GUCY1A2: variants seen among roughly 807,000 people sequenced by gnomAD.
GUCY1A2 encodes the protein guanylate cyclase soluble subunit alpha-2.
In GUCY1A2, 27 loss-of-function variants were observed where a neutral mutation model predicts 63.5. That is an observed-to-expected ratio of 0.43 (90% CI 0.31 to 0.59). GUCY1A2 has a LOEUF of 0.59. Among genes scored for constraint, GUCY1A2 ranks in the 20% least tolerant of loss-of-function variants. GUCY1A2 has a pLI of 0.11. For missense variants in GUCY1A2, 768 were observed against 913.3 expected (o/e 0.84, Z 2.05); for synonymous variants, 364 against 343.5 (o/e 1.06, Z -0.66).
At chr11:106,881,168 A>T (rs1004121496) in intron 4 of GUCY1A2, among the ~76,000 whole-genome samples, 4 of 152,068 alleles carry the variant, frequency 2.6e-5, no homozygotes, top group East Asian at 1.9e-4. Context: ...CAATTGGCAC[A>T]TCCCTTTTAA....
chr11:106,937,032 C>G (rs1860688321), intron 4 of GUCY1A2, among the ~76,000 whole-genome samples: 1 of 152,042 alleles, frequency 6.6e-6, no homozygotes, highest in African/African-American at 2.4e-5. Context: ...TGATGACTTA[C>G]TAATTTAAAA....
At chr11:106,827,125 A>G (rs1162786525) in intron 4 of GUCY1A2, 1 of 1,476,568 alleles carries the variant, frequency 6.8e-7, no homozygotes, top group Non-Finnish European at 9.5e-7. Flanking sequence ...CATAGCTTCA[A>G]GGTGAATCTT....
chr11:106,882,671 AAC>A (rs1859841399), intron 4 of GUCY1A2, among the ~76,000 whole-genome samples: 2 of 152,020 alleles, frequency 1.3e-5, no homozygotes, highest in African/African-American at 4.8e-5. Flanking sequence ...ACCCTCATTT[AAC>A]AGTTATCTGT....
chr11:106,850,992 TGCCA>T (rs1287669511), intron 4 of GUCY1A2, among the ~76,000 whole-genome samples: 1 of 151,866 alleles, frequency 6.6e-6, no homozygotes, highest in Non-Finnish European at 1.5e-5. Flanking sequence ...TCTGCATCTT[TGCCA>T]GCATTTGTTA....
chr11:106,892,044 A>T (rs1375721599), intron 4 of GUCY1A2, among the ~76,000 whole-genome samples: 2 of 152,082 alleles, frequency 1.3e-5, no homozygotes, highest in African/African-American at 4.8e-5. Flanking sequence ...ATATATACTT[A>T]AGTCTCCTTT....
At chr11:106,916,605 A>C (rs1311628512) in intron 4 of GUCY1A2, among the ~76,000 whole-genome samples, 1 of 145,748 alleles carries the variant, frequency 6.9e-6, no homozygotes, top group East Asian at 2.1e-4. Context: ...TTTGAAGTAC[A>C]CATGAACATA....
chr11:106,836,140 C>G (rs1859114325), intron 4 of GUCY1A2, among the ~76,000 whole-genome samples: 1 of 151,814 alleles, frequency 6.6e-6, no homozygotes, highest in Non-Finnish European at 1.5e-5. Context: ...GCAGTTGGCC[C>G]TGGAACAACA....
intron 3 of GUCY1A2, among the ~76,000 whole-genome samples, chr11:106,950,351 C>T (rs1482266906): frequency 6.6e-6 from 1 of 152,156 alleles, no homozygotes; most frequent in African/African-American, 2.4e-5. Context: ...CCAGCAGCAG[C>T]CCAGCAGCAG....
intron 4 of GUCY1A2, among the ~76,000 whole-genome samples, chr11:106,917,563 A>G (rs894123761): frequency 2.8e-5 from 4 of 144,530 alleles, no homozygotes; most frequent in African/African-American, 4.9e-5. Context: ...ACAATGATAG[A>G]CTGGATTAAG....
intron 4 of GUCY1A2, among the ~76,000 whole-genome samples, chr11:106,908,888 T>C (rs563006105): frequency 2.0e-5 from 3 of 152,136 alleles, no homozygotes; most frequent in East Asian, 1.9e-4. Flanking sequence ...AATGAAATAT[T>C]TGGGATCATA....
At position 106,676,462 on chromosome 11, in the gene GUCY1A2, GA is replaced by G. The variant is rs1862348029; in HGVS notation, c.*11086del. 5.4e-6 allele frequency: 1 copy of G among 186,218 alleles called. No individual in the cohort carries two copies. Among genetic ancestry groups the G allele is most frequent in the Admixed American group, 6.2e-5 (1 of 16,006 alleles). The allele number at this position is 186,218 out of a possible 1,614,324, so 11.5% of individuals were successfully genotyped here. ...AAATTGTAGCTAAAAACAGCTATCTGAATATAGGTTTAAAACCTCAAAGACA... is the reference window on the plus strand; with the variant it reads ...AAATTGTAGCTAAAAACAGCTATCTGATATAGGTTTAAAACCTCAAAGACA... On this transcript the variant is annotated 3_prime_UTR_variant, in exon 8 of 8. Coordinates refer to ENST00000526355, the MANE Select transcript of GUCY1A2 (RefSeq NM_000855.3).
intron 4 of GUCY1A2, among the ~76,000 whole-genome samples, chr11:106,875,188 C>T (rs552921129): frequency 2.0e-5 from 3 of 152,192 alleles, no homozygotes; most frequent in African/African-American, 7.2e-5. Context: ...TTGTATGACT[C>T]AGCAAATTAC....
chr11:106,780,695 C>T (rs185083448), intron 5 of GUCY1A2, among the ~76,000 whole-genome samples: 2 of 152,304 alleles, frequency 1.3e-5, no homozygotes, highest in African/African-American at 4.8e-5. Flanking sequence ...GCCAAACTAC[C>T]TTGTGTACTG....
At chr11:106,717,652 T>C (rs764674963) in intron 6 of GUCY1A2, among the ~76,000 whole-genome samples, 2 of 152,232 alleles carry the variant, frequency 1.3e-5, no homozygotes, top group Non-Finnish European at 2.9e-5. Context: ...CTTTTAGATT[T>C]ATGTGATTAA....
chr11:106,827,976 T>C, intron 4 of GUCY1A2: 1 of 804,686 alleles, frequency 1.2e-6, no homozygotes, highest in South Asian at 1.5e-5. Context: ...CGCGAGGCGG[T>C]CACTTCCGGT....
At chr11:106,941,249 T>C (rs1480115306) in intron 3 of GUCY1A2, among the ~76,000 whole-genome samples, 1 of 152,160 alleles carries the variant, frequency 6.6e-6, no homozygotes, top group African/African-American at 2.4e-5. Flanking sequence ...GCAAAAGAGT[T>C]CCACCTTATA....
chr11:106,714,932 T>A (rs1437318827), intron 6 of GUCY1A2, among the ~76,000 whole-genome samples: 1 of 152,210 alleles, frequency 6.6e-6, no homozygotes, highest in African/African-American at 2.4e-5. Context: ...ATAAATGCTT[T>A]CATCTGATCA....
At chr11:106,709,352 ATT>A (rs568025198) in intron 6 of GUCY1A2, among the ~76,000 whole-genome samples, 6 of 100,872 alleles carry the variant, frequency 5.9e-5, no homozygotes, top group African/African-American at 2.1e-4. Context: ...AAATTTATAT[ATT>A]TTATATAATA....
chr11:106,701,543 T>G (rs767897338), intron 7 of GUCY1A2, among the ~76,000 whole-genome samples: 2 of 152,046 alleles, frequency 1.3e-5, no homozygotes, highest in African/African-American at 2.4e-5. Context: ...GCTAGTAATA[T>G]TCAGAAATTA....
Sources: gnomAD v4.1 joint callset for allele counts (sites outside exome capture counted in the v4.1 genomes callset) on GRCh38, gnomAD v4.1.1 for gene constraint, MANE v1.5 for transcripts, NCBI Gene and HGNC (gene_info 2026-07-23, HGNC 2026-07-21) for gene names.